Variants in ALDH1A2 observed in about 807,000 individuals in gnomAD.
ALDH1A2 encodes retinal dehydrogenase 2.
Under a neutral mutation model 60.3 loss-of-function variants are expected in ALDH1A2, and 27 were observed. The observed-to-expected ratio is 0.45, with a 90% CI of 0.33 to 0.62. ALDH1A2 has a LOEUF of 0.62. Ranked by LOEUF, ALDH1A2 falls within the 20% of genes least tolerant of loss-of-function variation. The probability of loss-of-function intolerance (pLI) is 0.02; values close to 1 mark genes in which losing one functional copy is unlikely to be tolerated. For missense variants in ALDH1A2, 581 were observed against 643.8 expected (o/e 0.90, Z 1.06); for synonymous variants, 289 against 232.4 (o/e 1.24, Z -2.21).
chr15:57,976,523 T>A (rs1894264223), intron 7 of ALDH1A2, among the ~76,000 whole-genome samples: 1 of 152,162 alleles, frequency 6.6e-6, no homozygotes, highest in African/African-American at 2.4e-5. Flanking sequence ...GGTGTTTGGT[T>A]TTCTGTTTGT....
At chr15:57,992,665 G>A (rs1450574611) in intron 7 of ALDH1A2, 40 bp downstream of exon 7, 10 of 1,577,748 alleles carry the variant, frequency 6.3e-6, no homozygotes, top group Non-Finnish European at 8.7e-6. Flanking sequence ...CAACTCATTT[G>A]CAAGACTGTT....
Position 57,954,949 on chromosome 15 carries a change from C to T in ALDH1A2, c.*248G>A. On this transcript the variant is annotated 3_prime_UTR_variant, in exon 13 of 13. Coordinates refer to ENST00000249750, the MANE Select transcript of ALDH1A2 (RefSeq NM_003888.4). ...AGATACTGGATGTGTCTGCTAGCTC[C>T]TCCTCCTCCCTTTATCCCACTTTCC... 3 of 577,420 alleles carry T rather than the reference C, an allele frequency of 5.2e-6. No homozygotes were observed. The highest frequency in any genetic ancestry group is 4.1e-5 in the South Asian group (2 of 49,322). The allele number at this position is 577,420 out of a possible 1,614,324, so 35.8% of individuals were successfully genotyped here.
At chr15:57,981,289 AACACACACACACAC>A (rs775138747) in intron 7 of ALDH1A2, among the ~76,000 whole-genome samples, 42 of 142,134 alleles carry the variant, frequency 3.0e-4, no homozygotes, top group South Asian at 2.8e-3. Flanking sequence ...TAGAAGAGCA[AACACACACACACAC>A]ACACACACAC....
intron 4 of ALDH1A2, among the ~76,000 whole-genome samples, chr15:57,995,452 AT>A (rs1470119221): frequency 6.6e-6 from 1 of 152,048 alleles, no homozygotes; most frequent in East Asian, 1.9e-4. Context: ...TAAAAATTGA[AT>A]TTTATGTTAA....
chr15:58,006,676 A>G (rs1171773927), intron 4 of ALDH1A2, among the ~76,000 whole-genome samples: 1 of 146,392 alleles, frequency 6.8e-6, no homozygotes, highest in African/African-American at 2.5e-5. Flanking sequence ...CCACGCCAAC[A>G]TCTATTTTTT....
intron 1 of ALDH1A2, among the ~76,000 whole-genome samples, chr15:58,023,247 G>T (rs369323927): frequency 6.6e-6 from 1 of 152,086 alleles, no homozygotes; most frequent in African/African-American, 2.4e-5. Flanking sequence ...TAATCTTCAA[G>T]ACAGGTCTTT....
chr15:58,040,741 C>G (rs1373438158), intron 1 of ALDH1A2, among the ~76,000 whole-genome samples: 3 of 151,854 alleles, frequency 2.0e-5, no homozygotes, highest in African/African-American at 7.2e-5. Context: ...ACTATAAAGT[C>G]AGAATTGAAA....
intron 1 of ALDH1A2, among the ~76,000 whole-genome samples, chr15:58,024,806 C>G (rs1465268158): frequency 6.6e-6 from 1 of 152,126 alleles, no homozygotes; most frequent in Non-Finnish European, 1.5e-5. Flanking sequence ...CAAAATAAAT[C>G]TCAGCAATTT....
intron 1 of ALDH1A2, among the ~76,000 whole-genome samples, chr15:58,055,240 G>T (rs1896867639): frequency 6.6e-6 from 1 of 152,024 alleles, no homozygotes; most frequent in Non-Finnish European, 1.5e-5. Context: ...CTTATAAAAT[G>T]AAGATATTAA....
chr15:57,959,432 T>G (rs1433569647), intron 12 of ALDH1A2, among the ~76,000 whole-genome samples: 1 of 152,212 alleles, frequency 6.6e-6, no homozygotes, highest in Admixed American at 6.5e-5. Flanking sequence ...GGTTATAGGT[T>G]CTGGCTGTCA....
At position 57,954,186 on chromosome 15, in the gene ALDH1A2, C is replaced by T. The variant is rs1416984354; in HGVS notation, c.*1011G>A. ...TATGATAGATGTACAGTGTGACAGA[C>T]CAAAATCACACCTGCAGCAGTTATT... On this transcript the variant is annotated 3_prime_UTR_variant, in exon 13 of 13. Transcript: ENST00000249750. 6.6e-6 allele frequency: 1 copy of T among 152,312 alleles called. No homozygotes were observed. The highest frequency in any genetic ancestry group is 1.5e-5 in the Non-Finnish European group (1 of 68,036). The allele number at this position is 152,312 out of a possible 1,614,324, so 9.4% of individuals were successfully genotyped here. A position where few individuals can be genotyped will look rare whatever the true frequency, so the allele number is the denominator to read the frequency against.
At chr15:57,996,786 C>T (rs8024842) in intron 4 of ALDH1A2, among the ~76,000 whole-genome samples, 23 of 152,094 alleles carry the variant, frequency 1.5e-4, no homozygotes, top group African/African-American at 4.1e-4. Flanking sequence ...TTCAACAACA[C>T]GCTATTTTTC....
intron 4 of ALDH1A2, among the ~76,000 whole-genome samples, chr15:58,001,797 T>C (rs1293266715): frequency 6.6e-6 from 1 of 151,854 alleles, no homozygotes; most frequent in Non-Finnish European, 1.5e-5. Context: ...TTGGATCTTC[T>C]TAGCAAATAT....
chr15:58,045,952 C>A (rs562606314), intron 1 of ALDH1A2, among the ~76,000 whole-genome samples: 1 of 152,092 alleles, frequency 6.6e-6, no homozygotes, highest in Non-Finnish European at 1.5e-5. Context: ...TGAAAAAAAT[C>A]TGTTAAGTAC....
rs1459242358 is a variant in ALDH1A2, at chr15:58,013,901, T to C, written c.320A>G (p.Asp107Gly). Residue 107 changes from aspartate to glycine, a missense_variant, in exon 3 of 13, where the codon GAT becomes GGT. Around this residue, in one of 2 missense-constraint regions of ALDH1A2, gnomAD observed 206 missense variants for 174.1 expected, o/e 1.18. Transcript: ENST00000249750. ...MDASERGRLL[D>G]KLADLVERDR... ...CCGTTCCACCAAGTCTGCAAGCTTA[T>C]CCAACAGACGTCCCCTTTCTGAAGC... 6.2e-7 allele frequency: 1 copy of C among 1,614,056 alleles called. No individual in the cohort carries two copies. Among genetic ancestry groups the C allele is most frequent in the Non-Finnish European group, 8.5e-7 (1 of 1,180,030 alleles).
intron 1 of ALDH1A2, among the ~76,000 whole-genome samples, chr15:58,051,338 A>G (rs562276859): frequency 7.7e-4 from 116 of 150,980 alleles, no homozygotes; most frequent in African/African-American, 2.6e-3. Context: ...ATTTTTGTAC[A>G]TCTTAAACTT....
Position 57,960,815 on chromosome 15 carries a change from T to A in ALDH1A2, c.1439A>T (p.Gln480Leu). 1 of 1,614,084 alleles carries A rather than the reference T, an allele frequency of 6.2e-7. No homozygotes were observed. The highest frequency in any genetic ancestry group is 8.5e-7 in the Non-Finnish European group (1 of 1,179,930). The change falls in exon 12 of 13, where the codon CAG becomes CTG. Residue 480 changes from glutamine (Q) to leucine (L), a missense_variant. By Grantham distance (113) the Gln-to-Leu change is moderately radical. Around this residue, in one of 2 missense-constraint regions of ALDH1A2, gnomAD observed 375 missense variants for 469.7 expected, o/e 0.80. Coordinates refer to ENST00000249750, the MANE Select transcript of ALDH1A2 (RefSeq NM_003888.4). ...WINCYNALNA[Q>L]SPFGGFKMSG... ...CATCTTGAATCCCCCAAAGGGGCTC[T>A]GGGCATTTAAGGCATTGTAACAATT...
intron 5 of ALDH1A2, among the ~76,000 whole-genome samples, chr15:57,993,926 T>A (rs958191816): frequency 1.3e-5 from 2 of 152,210 alleles, no homozygotes; most frequent in Admixed American, 1.3e-4. Context: ...TGCAAAAATA[T>A]ACAAGTGTCT....
At chr15:58,058,620 A>G (rs1896952762) in intron 1 of ALDH1A2, among the ~76,000 whole-genome samples, 1 of 152,138 alleles carries the variant, frequency 6.6e-6, no homozygotes. Context: ...GAGTTTTCAG[A>G]TTCATGATAT....
Sources: allele counts gnomAD v4.1 joint callset (sites outside exome capture counted in the v4.1 genomes callset), GRCh38; gene constraint gnomAD v4.1.1; regional missense constraint gnomAD v4.1.1; transcripts MANE v1.5; gene names NCBI Gene and HGNC (gene_info 2026-07-23, HGNC 2026-07-21).